Variants in RPS6KA2 observed in about 807,000 individuals in gnomAD.
The protein encoded by RPS6KA2 is ribosomal protein S6 kinase alpha-2.
Under a neutral mutation model 91.8 loss-of-function variants are expected in RPS6KA2, and 42 were observed. The observed-to-expected ratio is 0.46, with a 90% CI of 0.36 to 0.59. RPS6KA2 has a LOEUF of 0.59. Ranked by LOEUF, RPS6KA2 falls within the 20% of genes least tolerant of loss-of-function variation. The pLI is 0.00. For missense variants in RPS6KA2, 798 were observed against 978.5 expected (o/e 0.82, Z 2.46); for synonymous variants, 414 against 393.6 (o/e 1.05, Z -0.61).
chr6:166,424,709 C>T (rs1412634217), intron 16 of RPS6KA2, among the ~76,000 whole-genome samples: 1 of 152,220 alleles, frequency 6.6e-6, no homozygotes, highest in Admixed American at 6.5e-5. Context: ...GCTTGAAGTG[C>T]AGCCTGGATC....
intron 2 of RPS6KA2, among the ~76,000 whole-genome samples, chr6:166,802,293 TC>T (rs1394119143): frequency 6.6e-6 from 1 of 151,022 alleles, no homozygotes; most frequent in Non-Finnish European, 1.5e-5. Context: ...AAAAAATCAA[TC>T]CCTCCCTAGA....
intron 2 of RPS6KA2, among the ~76,000 whole-genome samples, chr6:166,766,948 G>A (rs1489434008): frequency 1.3e-5 from 2 of 152,226 alleles, no homozygotes; most frequent in Non-Finnish European, 2.9e-5. Context: ...GGCCTAACGT[G>A]CCTCTCCTCC....
chr6:166,792,622 C>G (rs1221289719), intron 2 of RPS6KA2, among the ~76,000 whole-genome samples: 3 of 152,034 alleles, frequency 2.0e-5, no homozygotes, highest in Admixed American at 1.3e-4. Context: ...ACTGGCAAAC[C>G]AAATCCAGCA....
intron 2 of RPS6KA2, among the ~76,000 whole-genome samples, chr6:166,765,778 T>C (rs568127674): frequency 1.6e-4 from 24 of 152,282 alleles, no homozygotes; most frequent in Non-Finnish European, 2.9e-4. Context: ...TTAGGCTTCA[T>C]CTCCTCATCT....
At position 166,434,676 on chromosome 6, in the gene RPS6KA2, C is replaced by T. The variant is rs1013272762; in HGVS notation, c.1333-2186G>A. ...GAAGATTTTTTCGCAAATATGATTTCATGATAAAGGGATGTGTTCTTAGCA... is the reference window on the plus strand; with the variant it reads ...GAAGATTTTTTCGCAAATATGATTTTATGATAAAGGGATGTGTTCTTAGCA... On this transcript the variant is annotated intron_variant, in intron 14 of 20. Coordinates refer to ENST00000265678, the MANE Select transcript of RPS6KA2 (RefSeq NM_021135.6). This position sits in a 1 kb window ranked among gnomAD's most constrained non-coding sequence, Gnocchi z 4.4. Among the ~76,000 whole-genome samples, 1 of 152,178 alleles carries T rather than the reference C, an allele frequency of 6.6e-6. No individual in the cohort carries two copies. The highest frequency in any genetic ancestry group is 2.4e-5 in the African/African-American group (1 of 41,442).
intron 2 of RPS6KA2, among the ~76,000 whole-genome samples, chr6:166,751,127 T>G (rs556807759): frequency 6.8e-4 from 103 of 152,234 alleles, no homozygotes; most frequent in African/African-American, 2.3e-3. Flanking sequence ...AGCGGTGAAA[T>G]AGCGGAGCAG....
intron 8 of RPS6KA2, among the ~76,000 whole-genome samples, chr6:166,497,045 C>T (rs1781811031): frequency 6.6e-6 from 1 of 152,198 alleles, no homozygotes; most frequent in Non-Finnish European, 1.5e-5. Flanking sequence ...AGGCAGAAAT[C>T]ACCTCCAAGA....
At position 166,418,752 on chromosome 6, in the gene RPS6KA2, C is replaced by G. The variant is rs1035411683; in HGVS notation, c.1821-410G>C. The stretch of plus-strand genomic sequence containing the variant: ...AACTCTGTGTTCTTTGACAAGTTAA[C>G]TTTTTGAGCCTCCACTGCAAATGCA... On this transcript the variant is annotated intron_variant, in intron 18 of 20. Transcript: ENST00000265678. This position sits in a 1 kb window ranked among gnomAD's most constrained non-coding sequence, Gnocchi z 4.9. Among the ~76,000 whole-genome samples the G allele has an allele frequency of 6.6e-6, 1 of 152,264 alleles. No individual in the cohort carries two copies. Among genetic ancestry groups the G allele is most frequent in the South Asian group, 2.1e-4 (1 of 4,836 alleles).
intron 2 of RPS6KA2, among the ~76,000 whole-genome samples, chr6:166,719,381 C>G (rs544367974): frequency 2.6e-5 from 4 of 152,298 alleles, no homozygotes; most frequent in African/African-American, 7.2e-5. Flanking sequence ...TTTTTTCCAA[C>G]TGTTAAAATA....
At chr6:166,679,176 G>A (rs551741126) in intron 2 of RPS6KA2, among the ~76,000 whole-genome samples, 25 of 152,170 alleles carry the variant, frequency 1.6e-4, no homozygotes, top group Admixed American at 4.6e-4. Flanking sequence ...TATTGTCACC[G>A]GGCGTGGTGG....
chr6:166,688,321 C>T (rs74981961), intron 2 of RPS6KA2, among the ~76,000 whole-genome samples: 4,644 of 152,224 alleles, frequency 0.031, 104 homozygotes, highest in Non-Finnish European at 0.045. Flanking sequence ...CACTGGGACA[C>T]TGCACAGGGC....
rs531658476 is a variant in RPS6KA2, at chr6:166,603,654, T to C, written c.99+23267A>G. 6.6e-6 allele frequency among the ~76,000 whole-genome samples: 1 copy of C among 152,108 alleles called. No homozygotes were observed. Among genetic ancestry groups the C allele is most frequent in the Non-Finnish European group, 1.5e-5 (1 of 68,016 alleles). ...GGCAACACCTGTCATTGGGAGGGCA[T>C]CGTGAACATGGCTGGCACATTCCGG... is the stretch of plus-strand genomic sequence containing the variant. On this transcript the variant is annotated intron_variant, in intron 1 of 20. Transcript: ENST00000265678. The surrounding 1 kb of genome is among the most constrained non-coding windows in gnomAD (Gnocchi z 4.3).
chr6:166,471,655 A>G lies in RPS6KA2; in HGVS notation c.908-1750T>C, dbSNP rs116369551. ...AGCACACGGACATCTCAGTCATCCG[A>G]TGCACAATTGCTGTTCCCATTTTAC... is the stretch of plus-strand genomic sequence containing the variant. On this transcript the variant is annotated intron_variant, in intron 10 of 20. Coordinates refer to ENST00000265678, the MANE Select transcript of RPS6KA2 (RefSeq NM_021135.6). Among the ~76,000 whole-genome samples, 645 of 152,360 alleles carry G rather than the reference A, an allele frequency of 4.2e-3. 2 individuals are homozygous for G. Among genetic ancestry groups the G allele is most frequent in the African/African-American group, 0.015 (614 of 41,570 alleles).
intron 2 of RPS6KA2, among the ~76,000 whole-genome samples, chr6:166,820,792 A>C (rs1779887599): frequency 6.6e-6 from 1 of 152,260 alleles, no homozygotes; most frequent in African/African-American, 2.4e-5. Context: ...GTTATAAGAC[A>C]GTAAATTGCC....
rs541577658 is a variant in RPS6KA2 at position 166,510,364 on chromosome 6, A to G, written c.299-7T>C. ...GATCTCACTCGGTCCCGAACTGCAAAGTAAAAAGATAAAGGCTTTCATGAG... is the reference window on the plus strand; with the variant it reads ...GATCTCACTCGGTCCCGAACTGCAAGGTAAAAAGATAAAGGCTTTCATGAG... On this transcript the variant is annotated splice_polypyrimidine_tract_variant and splice_region_variant and intron_variant, in intron 3 of 20. Transcript: ENST00000265678. 70 of 1,576,616 alleles carry G rather than the reference A, an allele frequency of 4.4e-5. No homozygotes were observed. The African/African-American group carries it at 7.6e-4, about 17-fold the overall frequency.
chr6:166,443,565 C>T (rs7758770), intron 14 of RPS6KA2, among the ~76,000 whole-genome samples: 2,715 of 152,322 alleles, frequency 0.018, 62 homozygotes, highest in East Asian at 0.069. Flanking sequence ...AAAGCGGATC[C>T]TTCCAACACC....
At chr6:166,529,617 T>G (rs79114984) in intron 3 of RPS6KA2, among the ~76,000 whole-genome samples, 15,588 of 152,258 alleles carry the variant, frequency 0.1, 1,036 homozygotes, top group South Asian at 0.17. Context: ...ACGTTACAAT[T>G]GATAACACTG....
intron 2 of RPS6KA2, among the ~76,000 whole-genome samples, chr6:166,680,389 G>C (rs1454329855): frequency 2.6e-5 from 4 of 152,180 alleles, no homozygotes; most frequent in African/African-American, 9.7e-5. Context: ...ATGTGGGTGG[G>C]GCCAGATAAG....
At chr6:166,615,393 G>C (rs1232200895) in intron 1 of RPS6KA2, among the ~76,000 whole-genome samples, 1 of 152,248 alleles carries the variant, frequency 6.6e-6, no homozygotes, top group Non-Finnish European at 1.5e-5. Context: ...CGTAGAGGAA[G>C]AAGATGTAGA....
Sources: allele counts gnomAD v4.1 joint callset (sites outside exome capture counted in the v4.1 genomes callset), GRCh38; gene constraint gnomAD v4.1.1; non-coding constraint Gnocchi (gnomAD v3.1); transcripts MANE v1.5; gene names NCBI Gene and HGNC (gene_info 2026-07-23, HGNC 2026-07-21).